The following LYPLAL1 variants were observed in gnomAD, a reference collection of about 807,000 sequenced individuals.
LYPLAL1 encodes lysophospholipase like 1, also known as lysophospholipase-like protein 1.
A neutral mutation model predicts 19.7 loss-of-function variants in LYPLAL1; 23 were observed. That is an observed-to-expected ratio of 1.17 (90% CI 0.84 to 1.65). The LOEUF is 1.65. LYPLAL1 is among the 40% of genes most tolerant of loss of function. The probability of loss-of-function intolerance (pLI) is 0.00; values close to 1 mark genes in which losing one functional copy is unlikely to be tolerated. For missense variants in LYPLAL1, 355 were observed against 279.4 expected (o/e 1.27, Z -1.93); for synonymous variants, 119 against 96.3 (o/e 1.24, Z -1.38).
chr1:219,414,009 G>A, the LYPLAL1 span, among the ~76,000 whole-genome samples: 1 of 152,174 alleles, frequency 6.6e-6, no homozygotes, highest in Non-Finnish European at 1.5e-5. Context: ...CATTTACTGA[G>A]TAGTTCTCAG....
At chr1:219,330,208 G>T in the LYPLAL1 span, among the ~76,000 whole-genome samples, 1 of 152,118 alleles carries the variant, frequency 6.6e-6, no homozygotes. Flanking sequence ...CTGCTGTTTT[G>T]GCAAAAGCTA....
the LYPLAL1 span, among the ~76,000 whole-genome samples, chr1:219,303,262 T>C: frequency 6.6e-6 from 1 of 152,244 alleles, no homozygotes; most frequent in Non-Finnish European, 1.5e-5. Flanking sequence ...ATCTAGTTAC[T>C]CAAGACATAG....
chr1:219,240,132 C>T, the LYPLAL1 span, among the ~76,000 whole-genome samples: 5 of 152,196 alleles, frequency 3.3e-5, no homozygotes, highest in Non-Finnish European at 7.3e-5. Flanking sequence ...TTTCATAGCC[C>T]AGCTGGGAAA....
At chr1:219,269,593 T>C in the LYPLAL1 span, among the ~76,000 whole-genome samples, 4 of 151,828 alleles carry the variant, frequency 2.6e-5, no homozygotes, top group Non-Finnish European at 5.9e-5. Context: ...GTGCTTTACA[T>C]CTAGGCCAAT....
At chr1:219,338,521 A>G in the LYPLAL1 span, among the ~76,000 whole-genome samples, 1 of 152,080 alleles carries the variant, frequency 6.6e-6, no homozygotes, top group East Asian at 1.9e-4. Flanking sequence ...GCTGAGCCTC[A>G]GTTTCTTCAT....
chr1:219,401,176 T>C, the LYPLAL1 span, among the ~76,000 whole-genome samples: 1 of 151,988 alleles, frequency 6.6e-6, no homozygotes, highest in Non-Finnish European at 1.5e-5. Context: ...ATTGCTCTCA[T>C]CAATTTTTGA....
At chr1:219,214,728 C>G (rs1279587686), downstream of LYPLAL1, among the ~76,000 whole-genome samples, 4 of 148,104 alleles carry the variant, frequency 2.7e-5, no homozygotes, top group African/African-American at 1.0e-4. Flanking sequence ...TGCTTTGTCA[C>G]CTAGTCTACT....
At chr1:219,297,709 G>C in the LYPLAL1 span, among the ~76,000 whole-genome samples, 2 of 152,110 alleles carry the variant, frequency 1.3e-5, no homozygotes, top group African/African-American at 4.8e-5. Context: ...TTCATTGGTT[G>C]GATCCTTGAA....
chr1:219,363,335 A>C, the LYPLAL1 span, among the ~76,000 whole-genome samples: 2 of 152,166 alleles, frequency 1.3e-5, no homozygotes, highest in Non-Finnish European at 2.9e-5. Context: ...CTAGATTTTG[A>C]AGAGTTAATA....
the LYPLAL1 span, among the ~76,000 whole-genome samples, chr1:219,340,424 C>A: frequency 1.3e-5 from 2 of 151,990 alleles, no homozygotes; most frequent in African/African-American, 2.4e-5. Flanking sequence ...CTGTTCATAT[C>A]TAATGGAAGT....
intron 1 of LYPLAL1, among the ~76,000 whole-genome samples, chr1:219,177,501 A>T (rs906158585): frequency 2.0e-5 from 3 of 152,116 alleles, no homozygotes; most frequent in Admixed American, 2.0e-4. Context: ...TATGCATTAC[A>T]AAGAGGCACC....
the LYPLAL1 span, among the ~76,000 whole-genome samples, chr1:219,422,466 G>A: frequency 6.6e-6 from 1 of 152,166 alleles, no homozygotes; most frequent in South Asian, 2.1e-4. Flanking sequence ...CAGAGCAGGA[G>A]AGAGAGATTA....
At chr1:219,253,379 T>C in the LYPLAL1 span, among the ~76,000 whole-genome samples, 2 of 152,070 alleles carry the variant, frequency 1.3e-5, no homozygotes, top group African/African-American at 2.4e-5. Context: ...AGGTTGTTAA[T>C]TGAGATCTTT....
At chr1:219,334,069 C>G in the LYPLAL1 span, among the ~76,000 whole-genome samples, 1 of 151,998 alleles carries the variant, frequency 6.6e-6, no homozygotes, top group Non-Finnish European at 1.5e-5. Context: ...CTTGTTTATT[C>G]AGTTTCCCCT....
the LYPLAL1 span, among the ~76,000 whole-genome samples, chr1:219,223,865 TTTG>T: frequency 6.6e-6 from 1 of 152,126 alleles, no homozygotes; most frequent in Non-Finnish European, 1.5e-5. Flanking sequence ...TAATTGGTAT[TTTG>T]TTTTGTTTTT....
the LYPLAL1 span, among the ~76,000 whole-genome samples, chr1:219,257,762 TAAAC>T: frequency 6.6e-6 from 1 of 152,024 alleles, no homozygotes; most frequent in Admixed American, 6.6e-5. Flanking sequence ...ATAAACATCT[TAAAC>T]AACAGAAAAC....
chr1:219,385,656 C>CT, the LYPLAL1 span, among the ~76,000 whole-genome samples: 1 of 151,890 alleles, frequency 6.6e-6, no homozygotes, highest in Admixed American at 6.6e-5. Flanking sequence ...AGTTTAATTT[C>CT]TTTTTTCTCT....
chr1:219,330,226 A>G, the LYPLAL1 span, among the ~76,000 whole-genome samples: 2 of 152,234 alleles, frequency 1.3e-5, no homozygotes, highest in African/African-American at 4.8e-5. Context: ...CTAGTAAGCC[A>G]CAGAAAATTA....
chr1:219,411,317 G>T, the LYPLAL1 span, among the ~76,000 whole-genome samples: 1 of 151,950 alleles, frequency 6.6e-6, no homozygotes, highest in African/African-American at 2.4e-5. Flanking sequence ...TCTAGCTCAA[G>T]GTTTGTAAAT....
Sources: gnomAD v4.1 joint callset for allele counts (sites outside exome capture counted in the v4.1 genomes callset) on GRCh38, gnomAD v4.1.1 for gene constraint, MANE v1.5 for transcripts, NCBI Gene and HGNC (gene_info 2026-07-23, HGNC 2026-07-21) for gene names.